Variants in WDR49 observed in about 807,000 individuals in gnomAD.
The protein encoded by WDR49 is cilia- and flagella-associated protein 337.
A neutral mutation model predicts 119.5 loss-of-function variants in WDR49; 107 were observed. The observed-to-expected ratio is 0.90, with a 90% CI of 0.77 to 1.05. The LOEUF is 1.05. Ranked by LOEUF, WDR49 falls within the 50% of genes least tolerant of loss-of-function variation. The pLI, the probability that WDR49 is intolerant of heterozygous loss-of-function variation, is 0.00. For synonymous variants in WDR49, 425 were observed against 418.8 expected, an observed-to-expected ratio of 1.01 and a Z score of -0.18; for missense variants, 1,240 against 1,220.5, an observed-to-expected ratio of 1.02 and a Z score of -0.24.
chr3:167,570,107 G>GA (rs1447814006), intron 8 of WDR49, among the ~76,000 whole-genome samples: 5 of 125,138 alleles, frequency 4.0e-5, no homozygotes, highest in Non-Finnish European at 9.0e-5. Context: ...CTTTAAGCTA[G>GA]CCAAAAAAAA....
intron 18 of WDR49, among the ~76,000 whole-genome samples, chr3:167,487,948 T>C (rs1031666507): frequency 2.6e-5 from 4 of 152,138 alleles, no homozygotes; most frequent in South Asian, 2.1e-4. Flanking sequence ...GTTCAGCCAC[T>C]GTGGAAAGCT....
At chr3:167,528,606 C>T (rs1752725431) in intron 14 of WDR49, among the ~76,000 whole-genome samples, 1 of 151,498 alleles carries the variant, frequency 6.6e-6, no homozygotes, top group African/African-American at 2.4e-5. Flanking sequence ...GTAGTCCTAG[C>T]TACTCAGGAG....
intron 10 of WDR49, among the ~76,000 whole-genome samples, chr3:167,548,657 G>C (rs1166918753): frequency 6.6e-6 from 1 of 151,892 alleles, no homozygotes; most frequent in East Asian, 1.9e-4. Flanking sequence ...ACAGGGAAAA[G>C]ATGTAACTCA....
At chr3:167,571,920 C>T (rs1296591911) in intron 8 of WDR49, among the ~76,000 whole-genome samples, 1 of 152,176 alleles carries the variant, frequency 6.6e-6, no homozygotes, top group Non-Finnish European at 1.5e-5. Flanking sequence ...TCCCAACAAA[C>T]TGAAACATTA....
In WDR49 at chr3:167,576,128, T is replaced by C; in HGVS notation, c.1299A>G (p.Gln433=). The C allele has an allele frequency of 6.2e-7, 1 of 1,611,638 alleles. No homozygotes were observed. Among genetic ancestry groups the C allele is most frequent in the Non-Finnish European group, 8.5e-7 (1 of 1,177,798 alleles). Residue 433 remains glutamine, a synonymous_variant, in exon 8 of 19, where the codon CAA becomes CAG. Coordinates refer to ENST00000682715, the MANE Select transcript of WDR49 (RefSeq NM_001366157.1). The stretch of plus-strand genomic sequence containing the variant: ...CTATCCTCTGGATGGACAGCTGGTG[T>C]TGAATATCCCAGAGTCTCAAAACCT... ...KDKVLRLWDI[Q]HQLSIQRIAC...
intron 16 of WDR49, among the ~76,000 whole-genome samples, chr3:167,522,061 G>C (rs764592449): frequency 4.6e-5 from 7 of 152,078 alleles, no homozygotes; most frequent in Non-Finnish European, 1.0e-4. Context: ...TTAGATTGAT[G>C]ATGGAGTAGC....
intron 7 of WDR49, among the ~76,000 whole-genome samples, chr3:167,584,567 G>A (rs907283625): frequency 2.6e-5 from 4 of 152,094 alleles, no homozygotes; most frequent in African/African-American, 4.8e-5. Context: ...TTAAACCATC[G>A]TATATTAGCA....
intron 2 of WDR49, among the ~76,000 whole-genome samples, chr3:167,645,863 G>T (rs1718097262): frequency 6.6e-6 from 1 of 152,182 alleles, no homozygotes; most frequent in Non-Finnish European, 1.5e-5. Flanking sequence ...GTTAATCAGA[G>T]CATCTATGAT....
intron 16 of WDR49, among the ~76,000 whole-genome samples, chr3:167,514,438 T>G (rs1198609139): frequency 6.6e-6 from 1 of 152,126 alleles, no homozygotes; most frequent in African/African-American, 2.4e-5. Context: ...CCAAAATCCC[T>G]GGGACACAGC....
At chr3:167,591,182 A>G (rs1715085926) in intron 7 of WDR49, among the ~76,000 whole-genome samples, 1 of 152,096 alleles carries the variant, frequency 6.6e-6, no homozygotes. Flanking sequence ...ATTCAGGAGA[A>G]TATTGTTTAA....
intron 3 of WDR49, among the ~76,000 whole-genome samples, chr3:167,622,798 G>A (rs1416297830): frequency 6.6e-6 from 1 of 151,992 alleles, no homozygotes; most frequent in African/African-American, 2.4e-5. Context: ...ACATTCTCCA[G>A]GGTAGACCAT....
At chr3:167,584,578 T>A (rs1400150288) in intron 7 of WDR49, among the ~76,000 whole-genome samples, 1 of 152,022 alleles carries the variant, frequency 6.6e-6, no homozygotes, top group South Asian at 2.1e-4. Flanking sequence ...TATATTAGCA[T>A]AGGAAAAGAC....
At chr3:167,564,110 C>G (rs866591616) in intron 8 of WDR49, among the ~76,000 whole-genome samples, 3 of 152,210 alleles carry the variant, frequency 2.0e-5, no homozygotes, top group Non-Finnish European at 4.4e-5. Context: ...CCCCTGCCCA[C>G]CTGACTGAGC....
intron 18 of WDR49, among the ~76,000 whole-genome samples, chr3:167,489,289 AGGGGTT>A (rs909334946): frequency 1.3e-5 from 2 of 152,058 alleles, no homozygotes; most frequent in Non-Finnish European, 2.9e-5. Context: ...AGGCATGCAA[AGGGGTT>A]GGCTCACTCC....
intron 3 of WDR49, among the ~76,000 whole-genome samples, chr3:167,621,894 C>A (rs555219768): frequency 6.6e-6 from 1 of 152,102 alleles, no homozygotes; most frequent in African/African-American, 2.4e-5. Context: ...ACACAGTCAC[C>A]AACATCCCCA....
intron 2 of WDR49, chr3:167,633,480 T>C (rs1176029120): frequency 4.4e-6 from 2 of 456,166 alleles, no homozygotes; most frequent in African/African-American, 2.0e-5. Context: ...TCCCAGCTTC[T>C]GTCTTGTCTT....
chr3:167,590,037 T>C (rs894083437), intron 7 of WDR49, among the ~76,000 whole-genome samples: 3 of 152,150 alleles, frequency 2.0e-5, no homozygotes, highest in African/African-American at 7.2e-5. Flanking sequence ...GCTGTTGGTC[T>C]TTTATATATG....
At chr3:167,555,218 C>A (rs1174155424) in intron 9 of WDR49, among the ~76,000 whole-genome samples, 1 of 151,988 alleles carries the variant, frequency 6.6e-6, no homozygotes, top group Non-Finnish European at 1.5e-5. Context: ...AGTCAATCAA[C>A]CCTGTGTAAT....
intron 5 of WDR49, among the ~76,000 whole-genome samples, chr3:167,609,041 T>G (rs1197131065): frequency 1.3e-5 from 2 of 152,088 alleles, no homozygotes; most frequent in African/African-American, 4.8e-5. Flanking sequence ...AAGTGATACC[T>G]AAAAACTAAG....
Sources: allele counts gnomAD v4.1 joint callset (sites outside exome capture counted in the v4.1 genomes callset), GRCh38; gene constraint gnomAD v4.1.1; transcripts MANE v1.5; gene names NCBI Gene and HGNC (gene_info 2026-07-23, HGNC 2026-07-21).